CLOCK: variants seen among roughly 807,000 people sequenced by gnomAD.
CLOCK encodes circadian locomoter output cycles protein kaput.
A neutral mutation model predicts 118.4 loss-of-function variants in CLOCK; 43 were observed. The observed-to-expected ratio is 0.36, with a 90% CI of 0.28 to 0.47. The LOEUF (loss-of-function observed/expected upper bound fraction) is 0.47, where lower values mean the gene tolerates loss of function less well. CLOCK is among the 20% of genes least tolerant of loss of function. CLOCK has a pLI of 1.00. For synonymous variants in CLOCK, 326 were observed against 339.2 expected (o/e 0.96, Z 0.43); for missense variants, 846 against 999.9 (o/e 0.85, Z 2.08).
Position 55,435,138 on chromosome 4 carries a change from T to C in CLOCK, c.*277A>G. ...ATTTCATAGCTGAGCTTCTTAATAT[T>C]TGGCAATATATTCTTTTTCCATCAA... On this transcript the variant is annotated 3_prime_UTR_variant, in exon 23 of 23. Transcript: ENST00000513440. 1 of 438,270 alleles carries C rather than the reference T, an allele frequency of 2.3e-6. No individual in the cohort carries two copies. The highest frequency in any genetic ancestry group is 2.2e-5 in the South Asian group (1 of 45,978). The allele number at this position is 438,270 out of a possible 1,614,324, so 27.1% of individuals were successfully genotyped here.
chr4:55,515,632 C>T (rs1729460713), intron 1 of CLOCK, among the ~76,000 whole-genome samples: 1 of 152,178 alleles, frequency 6.6e-6, no homozygotes, highest in Non-Finnish European at 1.5e-5. Flanking sequence ...ATCCACCCAC[C>T]TCTGCCTCCC....
intron 18 of CLOCK, among the ~76,000 whole-genome samples, chr4:55,447,194 C>T (rs1470461392): frequency 6.6e-6 from 1 of 152,022 alleles, no homozygotes; most frequent in African/African-American, 2.4e-5. Context: ...TGGCAAAACC[C>T]TGTCTCTACT....
intron 4 of CLOCK, among the ~76,000 whole-genome samples, chr4:55,480,157 T>C (rs1457809997): frequency 2.6e-5 from 4 of 152,264 alleles, no homozygotes. Context: ...ATTTCATTCA[T>C]TTACTAATTC....
intron 22 of CLOCK, among the ~76,000 whole-genome samples, chr4:55,436,234 T>G (rs1722866184): frequency 6.6e-6 from 1 of 152,184 alleles, no homozygotes; most frequent in Non-Finnish European, 1.5e-5. Flanking sequence ...AAGGCAAAGT[T>G]GCAGCCTTAG....
intron 1 of CLOCK, among the ~76,000 whole-genome samples, chr4:55,520,909 T>C (rs1280211850): frequency 6.6e-6 from 1 of 152,224 alleles, no homozygotes; most frequent in Non-Finnish European, 1.5e-5. Flanking sequence ...AATTGCTCCC[T>C]ATAACAACTC....
rs1428754930 is a variant in CLOCK, at chr4:55,444,736, A to C, written c.1589T>G (p.Leu530Trp). Reference sequence around the variant, plus strand: ...TTCTATCATGCGTGTCCGTTGTTCCAATTGGTCTTTCAGATGTTGCATGGC... The same window carrying C: ...TTCTATCATGCGTGTCCGTTGTTCCCATTGGTCTTTCAGATGTTGCATGGC... ...LGAMQHLKDQ[L>W]EQRTRMIEAN... Residue 530 changes from leucine to tryptophan, a missense_variant, in exon 19 of 23, where the codon TTG becomes TGG. Leu to Trp is a moderately conservative substitution (Grantham distance 61, BLOSUM62 -2). Around this residue, in one of 4 missense-constraint regions of CLOCK, gnomAD observed 520 missense variants for 558.0 expected, o/e 0.93. Transcript: ENST00000513440. The C allele has an allele frequency of 6.2e-7, 1 of 1,614,144 alleles. No homozygotes were observed. The highest frequency in any genetic ancestry group is 1.1e-5 in the South Asian group (1 of 91,082).
At chr4:55,526,865 T>C (rs2110077178) in intron 1 of CLOCK, among the ~76,000 whole-genome samples, 1 of 145,382 alleles carries the variant, frequency 6.9e-6, no homozygotes, top group Middle Eastern at 3.9e-3. Context: ...GAGAATGGCA[T>C]GAACCCGGGA....
At chr4:55,523,894 ATTC>A (rs1477997834) in intron 1 of CLOCK, among the ~76,000 whole-genome samples, 1 of 152,164 alleles carries the variant, frequency 6.6e-6, no homozygotes, top group Non-Finnish European at 1.5e-5. Context: ...ACTGTAAAAC[ATTC>A]TTGTTTTTAA....
chr4:55,453,853 C>T, intron 13 of CLOCK, 29 bp from the exon 14 acceptor site: 1 of 1,500,492 alleles, frequency 6.7e-7, no homozygotes, highest in Non-Finnish European at 9.1e-7. Context: ...AATATTTTTT[C>T]TTTAATTCAT....
In CLOCK at chr4:55,459,278, T is replaced by A. The variant is rs774953480; in HGVS notation, c.560-17A>T. ...GATTTTTTGCTGAAATAAAAGAGAT[T>A]TTAAAAATCACATATTTCTGATATA... On this transcript the variant is annotated splice_polypyrimidine_tract_variant and intron_variant, in intron 9 of 22. Transcript: ENST00000513440. 3 of 1,416,874 alleles carry A rather than the reference T, an allele frequency of 2.1e-6. 1 individual carries two copies. Among genetic ancestry groups the A allele is most frequent in the South Asian group, 2.3e-5 (2 of 86,628 alleles). 87.8% of individuals were successfully genotyped at this position (1,416,874 alleles called of 1,614,324 possible).
Position 55,435,263 on chromosome 4 carries a change from AT to A in CLOCK, c.*151del. On this transcript the variant is annotated 3_prime_UTR_variant, in exon 23 of 23. Transcript: ENST00000513440. ...ATGTACATCTGTAGCACTAGGCAGC[AT>A]TTTCTCTGCCAACTAATTCCAGGAA... 1.1e-6 allele frequency: 1 copy of A among 889,826 alleles called. No individual in the cohort carries two copies. The highest frequency in any genetic ancestry group is 1.8e-6 in the Non-Finnish European group (1 of 561,314). 55.1% of individuals were successfully genotyped at this position (889,826 alleles called of 1,614,324 possible).
chr4:55,532,683 A>G (rs1278326580), intron 1 of CLOCK, among the ~76,000 whole-genome samples: 1 of 152,084 alleles, frequency 6.6e-6, no homozygotes, highest in African/African-American at 2.4e-5. Context: ...ATCTCTCTAT[A>G]AAAATACCAA....
chr4:55,529,016 C>T (rs1179952733), intron 1 of CLOCK, among the ~76,000 whole-genome samples: 1 of 152,102 alleles, frequency 6.6e-6, no homozygotes, highest in African/African-American at 2.4e-5. Flanking sequence ...AAAACAAGTC[C>T]ATGACTACAA....
intron 1 of CLOCK, among the ~76,000 whole-genome samples, chr4:55,539,900 T>C (rs893492399): frequency 6.6e-6 from 1 of 152,062 alleles, no homozygotes; most frequent in Non-Finnish European, 1.5e-5. Flanking sequence ...TAACATCATA[T>C]AAGTATACAT....
At chr4:55,467,648 A>C (rs901452717) in intron 8 of CLOCK, among the ~76,000 whole-genome samples, 2 of 152,220 alleles carry the variant, frequency 1.3e-5, no homozygotes, top group Non-Finnish European at 2.9e-5. Flanking sequence ...ATTTTAAATT[A>C]CTTAGACATT....
chr4:55,484,152 TGG>T (rs1252665266), intron 3 of CLOCK, among the ~76,000 whole-genome samples: 6 of 152,270 alleles, frequency 3.9e-5, no homozygotes, highest in Non-Finnish European at 5.9e-5. Context: ...TGTATGGTTA[TGG>T]CTGCAGAAGT....
intron 2 of CLOCK, among the ~76,000 whole-genome samples, chr4:55,492,086 A>G (rs966269551): frequency 4.6e-5 from 7 of 152,186 alleles, no homozygotes; most frequent in Non-Finnish European, 8.8e-5. Context: ...CAAAGACACC[A>G]TAAGAAAAAA....
intron 9 of CLOCK, among the ~76,000 whole-genome samples, chr4:55,463,129 T>C (rs1303395239): frequency 6.6e-6 from 1 of 152,190 alleles, no homozygotes; most frequent in Non-Finnish European, 1.5e-5. Flanking sequence ...TACCATAATA[T>C]GTTGTGTATC....
At chr4:55,542,785 AGAGGCTG>A (rs1731367580) in intron 1 of CLOCK, among the ~76,000 whole-genome samples, 1 of 152,160 alleles carries the variant, frequency 6.6e-6, no homozygotes, top group Non-Finnish European at 1.5e-5. Flanking sequence ...GAGGAGCTCA[AGAGGCTG>A]GTGTAATCTA....
Sources: allele counts gnomAD v4.1 joint callset (sites outside exome capture counted in the v4.1 genomes callset), GRCh38; gene constraint gnomAD v4.1.1; regional missense constraint gnomAD v4.1.1; transcripts MANE v1.5; gene names NCBI Gene and HGNC (gene_info 2026-07-23, HGNC 2026-07-21).